STK11IP: variants seen among roughly 807,000 people sequenced by gnomAD.
STK11IP encodes serine/threonine-protein kinase 11-interacting protein.
A neutral mutation model predicts 131.7 loss-of-function variants in STK11IP; 103 were observed. The observed-to-expected ratio is 0.78, with a 90% CI of 0.67 to 0.92. STK11IP has a LOEUF of 0.92. Among genes scored for constraint, STK11IP ranks in the 40% least tolerant of loss-of-function variants. The probability of loss-of-function intolerance (pLI) is 0.00; values close to 1 mark genes in which losing one functional copy is unlikely to be tolerated. For missense variants in STK11IP, 1,315 were observed against 1,385.7 expected, an observed-to-expected ratio of 0.95 and a Z score of 0.81; for synonymous variants, 557 against 575.6, an observed-to-expected ratio of 0.97 and a Z score of 0.46.
intron 17 of STK11IP, 65 bp from the exon 18 acceptor site, chr2:219,611,539 G>T: frequency 7.4e-7 from 1 of 1,345,984 alleles, no homozygotes. Context: ...GGAGCATCGT[G>T]AGCATGGTGG....
At chr2:219,610,578 A>G (rs1165345210) in intron 17 of STK11IP, among the ~76,000 whole-genome samples, 1 of 151,906 alleles carries the variant, frequency 6.6e-6, no homozygotes, top group Non-Finnish European at 1.5e-5. Flanking sequence ...AATTTTTTGT[A>G]TTTTTAGTAG....
intron 16 of STK11IP, 39 bp downstream of exon 16, chr2:219,609,252 G>C: frequency 6.3e-7 from 1 of 1,575,262 alleles, no homozygotes; most frequent in Non-Finnish European, 8.6e-7. Flanking sequence ...AGGCTGTGGG[G>C]ATTAAGAGAG....
intron 15 of STK11IP, 49 bp downstream of exon 15, chr2:219,608,837 G>A (rs1698293480): frequency 1.3e-6 from 2 of 1,521,634 alleles, no homozygotes; most frequent in Admixed American, 2.1e-5. Flanking sequence ...ATGGGAACAT[G>A]GCTGTTGTGT....
rs1698266859 is a variant in STK11IP, at chr2:219,608,310, C to T, written c.1483C>T (p.Gln495Ter). Residue 495 changes from glutamine (Q) to a stop codon, truncating the protein, a stop_gained, in exon 14 of 25, where the codon CAG becomes TAG. Transcript: ENST00000456909. LOFTEE classifies it high-confidence loss of function. ...GTCAGAGGAGGTCAGGGCGGAGCCA[C>T]AGGAGGAGGAAGAGGAGAAGGAGGG... ...KMSEEVRAEPQEEEEEKEGKE... is the reference protein window; with the variant it reads ...KMSEEVRAEP 1 of 1,607,774 alleles carries T rather than the reference C, an allele frequency of 6.2e-7. No homozygotes were observed. Among genetic ancestry groups the T allele is most frequent in the Non-Finnish European group, 8.5e-7 (1 of 1,177,290 alleles).
chr2:219,601,597 G>C, intron 3 of STK11IP, 44 bp from the exon 4 acceptor site: 1 of 1,558,554 alleles, frequency 6.4e-7, no homozygotes, highest in Non-Finnish European at 8.7e-7. Context: ...AGGGCAGGAA[G>C]ATCTGCTGTG....
chr2:219,611,851 CAA>C lies in STK11IP; in HGVS notation c.2335+18_2335+19del, dbSNP rs1290989515. 1 of 1,603,254 alleles carries C rather than the reference CAA, an allele frequency of 6.2e-7. No homozygotes were observed. Among genetic ancestry groups the C allele is most frequent in the South Asian group, 1.1e-5 (1 of 90,028 alleles). On this transcript the variant is annotated intron_variant, in intron 18 of 24. Transcript: ENST00000456909. ...TCAGTCCCCGTGAGTATAGGCAAAA[CAA>C]GACATAGATGAGTTTGGGGAAGGGA...
intron 2 of STK11IP, among the ~76,000 whole-genome samples, chr2:219,599,461 A>G (rs1697906383): frequency 6.6e-6 from 1 of 152,204 alleles, no homozygotes; most frequent in African/African-American, 2.4e-5. Flanking sequence ...GGAGGAGACA[A>G]CTAGGAGGCC....
chr2:219,605,345 T>C (rs184386484), intron 7 of STK11IP, among the ~76,000 whole-genome samples: 4 of 152,314 alleles, frequency 2.6e-5, no homozygotes, highest in Admixed American at 2.6e-4. Flanking sequence ...GGGAAATTCT[T>C]TTGGCAGCTT....
rs1698450532 is a variant in STK11IP at position 219,613,243 on chromosome 2, T to G, written c.2537+18T>G. On this transcript the variant is annotated intron_variant, in intron 20 of 24. Transcript: ENST00000456909. ...GAGATGCGGTGAGTGAGAGGGGAGA[T>G]GCAGTGAGTAAGGGGGGAGATGGGG... is the stretch of plus-strand genomic sequence containing the variant. 5 of 1,423,000 alleles carry G rather than the reference T, an allele frequency of 3.5e-6. No individual in the cohort carries two copies. The highest frequency in any genetic ancestry group is 1.6e-5 in the African/African-American group (1 of 62,770). The allele number at this position is 1,423,000 out of a possible 1,614,324, so 88.1% of individuals were successfully genotyped here. A position where few individuals can be genotyped will look rare whatever the true frequency, so the allele number is the denominator to read the frequency against.
intron 7 of STK11IP, among the ~76,000 whole-genome samples, chr2:219,603,527 CT>C (rs953018663): frequency 3.8e-4 from 53 of 140,328 alleles, no homozygotes; most frequent in Admixed American, 5.7e-4. Context: ...TTTTTTTTTT[CT>C]TTTTTTTTTT....
chr2:219,605,254 G>T (rs1361748254), intron 7 of STK11IP, among the ~76,000 whole-genome samples: 3 of 152,212 alleles, frequency 2.0e-5, no homozygotes, highest in African/African-American at 7.2e-5. Context: ...TAACTAACTG[G>T]CACTTACCAA....
At chr2:219,609,679 AAG>A in intron 17 of STK11IP, 139 bp downstream of exon 17, 1 of 972,370 alleles carries the variant, frequency 1.0e-6, no homozygotes, top group South Asian at 1.5e-5. Context: ...CTGGAGGAAA[AAG>A]AAAACCGTCT....
chr2:219,597,885 G>A lies in STK11IP; in HGVS notation c.-65G>A. The A allele has an allele frequency of 6.2e-7, 1 of 1,608,392 alleles. No homozygotes were observed. Among genetic ancestry groups the A allele is most frequent in the Non-Finnish European group, 8.5e-7 (1 of 1,177,590 alleles). ...TCCTTTCCATCATTGATAGGCGCCG[G>A]GCAGCTGAGCTGGTAGGAGGACCAG... On this transcript the variant is annotated 5_prime_UTR_variant, in exon 1 of 25. Coordinates refer to ENST00000456909, the MANE Select transcript of STK11IP (RefSeq NM_052902.4).
chr2:219,606,970 C>T, intron 12 of STK11IP, 83 bp from the exon 13 acceptor site: 1 of 1,603,960 alleles, frequency 6.2e-7, no homozygotes, highest in Non-Finnish European at 8.5e-7. Flanking sequence ...GTCAAGGTTT[C>T]TTTGATAGGT....
rs564151932 is a variant in STK11IP at position 219,601,250 on chromosome 2, C to T, written c.77C>T (p.Ser26Phe). Residue 26 changes from serine to phenylalanine, a missense_variant, in exon 3 of 25, where the codon TCT becomes TTT. Transcript: ENST00000456909. The stretch of plus-strand genomic sequence containing the variant: ...TTTTCTGCAGGGGATGTGGTCCTGT[C>T]TGGCTGTAGCACCCTGAGCCTGCTG... ...LLRESGDVVL[S>F]GCSTLSLLTP... 1 of 1,613,124 alleles carries T rather than the reference C, an allele frequency of 6.2e-7. No homozygotes were observed. The highest frequency in any genetic ancestry group is 2.2e-5 in the East Asian group (1 of 44,868).
chr2:219,605,712 C>T lies in STK11IP; in HGVS notation c.723C>T (p.Gly241=). 6.3e-7 allele frequency: 1 copy of T among 1,592,328 alleles called. No individual in the cohort carries two copies. The highest frequency in any genetic ancestry group is 8.5e-7 in the Non-Finnish European group (1 of 1,169,690). The change falls in exon 8 of 25, where the codon GGC becomes GGT. Residue 241 remains glycine (G), a synonymous_variant. Transcript: ENST00000456909. ...GAALGVLILR[G]NELRSLHGLE... is the part of the protein sequence containing the mutation. The stretch of plus-strand genomic sequence containing the variant: ...CTCTGGGGGTCCTGATACTGCGAGG[C>T]AATGAGCTTCGGAGCCTGCATGGTG...
intron 23 of STK11IP, 108 bp downstream of exon 23, chr2:219,614,654 TC>T: frequency 8.9e-7 from 1 of 1,126,700 alleles, no homozygotes; most frequent in South Asian, 1.3e-5. Context: ...AACTGTCAGT[TC>T]CTGGAACCTG....
At chr2:219,604,467 T>G (rs2106151072) in intron 7 of STK11IP, among the ~76,000 whole-genome samples, 1 of 152,296 alleles carries the variant, frequency 6.6e-6, no homozygotes, top group Middle Eastern at 3.4e-3. Context: ...TTGATCACCT[T>G]TTGTTCACTA....
At chr2:219,612,679 C>T (rs1028119042) in intron 19 of STK11IP, among the ~76,000 whole-genome samples, 8 of 152,152 alleles carry the variant, frequency 5.3e-5, no homozygotes, top group Non-Finnish European at 1.0e-4. Flanking sequence ...GAGAACTGCC[C>T]AGGATGAGGG....
Sources: allele counts gnomAD v4.1 joint callset (sites outside exome capture counted in the v4.1 genomes callset), GRCh38; gene constraint gnomAD v4.1.1; transcripts MANE v1.5; gene names NCBI Gene and HGNC (gene_info 2026-07-23, HGNC 2026-07-21).